Variants in MECOM observed in about 807,000 individuals in gnomAD.
MECOM encodes the protein MDS1 and EVI1 complex locus, also known as histone-lysine N-methyltransferase MECOM.
A neutral mutation model predicts 116.3 loss-of-function variants in MECOM; 13 were observed. That is an observed-to-expected ratio of 0.11 (90% confidence interval 0.07 to 0.18). MECOM has a LOEUF of 0.18. Ranked by LOEUF, MECOM falls within the 10% of genes least tolerant of loss-of-function variation. The pLI is 1.00. For synonymous variants in MECOM, 528 were observed against 535.2 expected (o/e 0.99, Z 0.19); for missense variants, 1,299 against 1,509.0 (o/e 0.86, Z 2.31).
At position 169,472,632 on chromosome 3, in the gene MECOM, G is replaced by GAA. The variant is rs1174929353; in HGVS notation, c.38-91110_38-91109dup. ...GGAAAGGAAAGAAAAGAAAAGAAAA[G>GAA]AAAAGGAAAGGAAAGGAAAAGAAAA... On this transcript the variant is annotated intron_variant, in intron 1 of 16. Transcript: ENST00000651503. Among the ~76,000 whole-genome samples the GAA allele has an allele frequency of 7.3e-5, 5 of 68,796 alleles. No individual in the cohort carries two copies. In the East Asian group the frequency reaches 2.1e-3, roughly 29 times the overall value. The allele number at this position is 68,796 out of a possible 152,430, so 45.1% of individuals were successfully genotyped here.
chr3:169,266,600 A>C (rs960310084), intron 2 of MECOM, among the ~76,000 whole-genome samples: 1 of 152,204 alleles, frequency 6.6e-6, no homozygotes, highest in African/African-American at 2.4e-5. Context: ...CAGAGACAAT[A>C]GTTTCTTAGC....
intron 1 of MECOM, among the ~76,000 whole-genome samples, chr3:169,530,027 G>A (rs889102437): frequency 2.0e-5 from 3 of 152,212 alleles, no homozygotes; most frequent in African/African-American, 7.2e-5. Flanking sequence ...AAATTGGTAT[G>A]AAGAACAAAC....
chr3:169,584,807 C>G (rs1765592370), intron 1 of MECOM, among the ~76,000 whole-genome samples: 1 of 152,030 alleles, frequency 6.6e-6, no homozygotes, highest in African/African-American at 2.4e-5. Flanking sequence ...TAAAGTGGTC[C>G]ACGCTGCCCA....
chr3:169,144,900 TA>T, intron 2 of MECOM: 1 of 928,354 alleles, frequency 1.1e-6, no homozygotes, highest in Non-Finnish European at 1.7e-6. Flanking sequence ...CATAACCACA[TA>T]AAAGTTAAAA....
intron 2 of MECOM, among the ~76,000 whole-genome samples, chr3:169,205,990 A>G (rs1487341568): frequency 6.6e-6 from 1 of 152,186 alleles, no homozygotes; most frequent in Non-Finnish European, 1.5e-5. Flanking sequence ...CTTAGAAACA[A>G]CTTGCTGGGG....
intron 1 of MECOM, among the ~76,000 whole-genome samples, chr3:169,530,512 T>C (rs1226372206): frequency 1.3e-5 from 2 of 152,156 alleles, no homozygotes; most frequent in Non-Finnish European, 2.9e-5. Context: ...CAGCCACCTA[T>C]GAAGCCCTAA....
intron 1 of MECOM, among the ~76,000 whole-genome samples, chr3:169,603,225 ATG>A (rs1405370152): frequency 6.6e-6 from 1 of 152,262 alleles, no homozygotes; most frequent in Admixed American, 6.5e-5. Flanking sequence ...GCCTAGGCTA[ATG>A]TGTGTGTGTC....
At chr3:169,610,796 C>T (rs1283767471) in intron 1 of MECOM, among the ~76,000 whole-genome samples, 1 of 152,174 alleles carries the variant, frequency 6.6e-6, no homozygotes, top group Admixed American at 6.5e-5. Context: ...AATATAAGCT[C>T]TATGAGAGCA....
At chr3:169,477,415 T>C (rs1578211211) in intron 1 of MECOM, among the ~76,000 whole-genome samples, 1 of 152,022 alleles carries the variant, frequency 6.6e-6, no homozygotes, top group African/African-American at 2.4e-5. Context: ...CCATCAATGA[T>C]CCAAATCCTT....
intron 2 of MECOM, among the ~76,000 whole-genome samples, chr3:169,241,978 G>A (rs1754874707): frequency 6.6e-6 from 1 of 152,286 alleles, no homozygotes. Context: ...GCTGAGAGTA[G>A]ATAAACAACA....
intron 1 of MECOM, among the ~76,000 whole-genome samples, chr3:169,389,191 C>T (rs912467949): frequency 6.6e-6 from 1 of 152,174 alleles, no homozygotes; most frequent in South Asian, 2.1e-4. Flanking sequence ...AAATGGGCTT[C>T]GCCTCTTCCA....
intron 2 of MECOM, among the ~76,000 whole-genome samples, chr3:169,300,410 G>A (rs73034987): frequency 0.056 from 8,561 of 152,072 alleles, 673 homozygotes; most frequent in African/African-American, 0.17. Context: ...ATGATCTTGC[G>A]GCGTTTATCA....
intron 1 of MECOM, among the ~76,000 whole-genome samples, chr3:169,652,030 A>G (rs1171045866): frequency 1.3e-5 from 2 of 152,196 alleles, no homozygotes; most frequent in Non-Finnish European, 2.9e-5. Flanking sequence ...AAGACAATGA[A>G]AAAAGATTGA....
chr3:169,221,324 A>C (rs528181038), intron 2 of MECOM, among the ~76,000 whole-genome samples: 119 of 152,302 alleles, frequency 7.8e-4, no homozygotes, highest in African/African-American at 2.7e-3. Flanking sequence ...AACAGTCATT[A>C]ATGGTTATTT....
intron 2 of MECOM, among the ~76,000 whole-genome samples, chr3:169,295,935 TC>T (rs1715511427): frequency 6.6e-6 from 1 of 152,200 alleles, no homozygotes; most frequent in Non-Finnish European, 1.5e-5. Flanking sequence ...TTGTTTGTTT[TC>T]CTTTTTCAGG....
intron 12 of MECOM, among the ~76,000 whole-genome samples, chr3:169,097,421 C>T (rs12633440): frequency 0.25 from 38,359 of 151,872 alleles, 5,067 homozygotes; most frequent in Non-Finnish European, 0.28. Flanking sequence ...ATTCTTAAAA[C>T]GAACACATAA....
chr3:169,444,882 A>G (rs1233010016), intron 1 of MECOM, among the ~76,000 whole-genome samples: 2 of 152,148 alleles, frequency 1.3e-5, no homozygotes, highest in South Asian at 2.1e-4. Context: ...CTTGTTGGAA[A>G]CTGGAGCAAA....
intron 2 of MECOM, among the ~76,000 whole-genome samples, chr3:169,372,274 A>G (rs1730267893): frequency 6.6e-6 from 1 of 152,106 alleles, no homozygotes; most frequent in Non-Finnish European, 1.5e-5. Flanking sequence ...CTGGCACATG[A>G]CAGGTGCATC....
At chr3:169,615,459 G>A (rs1769883316) in intron 1 of MECOM, among the ~76,000 whole-genome samples, 1 of 152,184 alleles carries the variant, frequency 6.6e-6, no homozygotes, top group South Asian at 2.1e-4. Context: ...GTAGTAAAAT[G>A]TTTGCTTTAT....
Sources: gnomAD v4.1 joint callset for allele counts (sites outside exome capture counted in the v4.1 genomes callset) on GRCh38, gnomAD v4.1.1 for gene constraint, MANE v1.5 for transcripts, NCBI Gene and HGNC (gene_info 2026-07-23, HGNC 2026-07-21) for gene names.